Variants in ZNF385C observed in about 807,000 individuals in gnomAD.
ZNF385C encodes the protein CTD-2132N18.2.
Under a neutral mutation model 35.4 loss-of-function variants are expected in ZNF385C, and 28 were observed. The observed-to-expected ratio is 0.79, with a 90% CI of 0.59 to 1.08. The LOEUF is 1.08. Ranked by LOEUF, ZNF385C falls within the 50% of genes least tolerant of loss-of-function variation. ZNF385C has a pLI of 0.00. For missense variants in ZNF385C, 605 were observed against 595.6 expected (o/e 1.02, Z -0.16); for synonymous variants, 248 against 248.2 (o/e 1.00, Z 0.01).
intron 1 of ZNF385C, among the ~76,000 whole-genome samples, chr17:42,075,073 G>A (rs572447754): frequency 2.0e-5 from 3 of 152,128 alleles, no homozygotes; most frequent in South Asian, 2.1e-4. Context: ...CACAGAAAAC[G>A]TGCACTCCAC....
intron 1 of ZNF385C, among the ~76,000 whole-genome samples, chr17:42,068,125 C>G (rs1198038496): frequency 6.6e-6 from 1 of 152,120 alleles, no homozygotes; most frequent in Admixed American, 6.5e-5. Context: ...CCACACTGCC[C>G]CAGCTAAGCT....
chr17:42,046,953 C>T (rs1555656669), intron 2 of ZNF385C, among the ~76,000 whole-genome samples: 1 of 151,880 alleles, frequency 6.6e-6, no homozygotes, highest in African/African-American at 2.4e-5. Context: ...ATCTCCACCT[C>T]CCGGATTCAA....
At chr17:42,070,722 G>A (rs2053612307) in intron 1 of ZNF385C, among the ~76,000 whole-genome samples, 1 of 152,180 alleles carries the variant, frequency 6.6e-6, no homozygotes, top group Admixed American at 6.5e-5. Flanking sequence ...CATTCATGGG[G>A]TCACAGGCAG....
chr17:42,092,363 T>G (rs1159614710), intron 1 of ZNF385C, among the ~76,000 whole-genome samples: 1 of 151,714 alleles, frequency 6.6e-6, no homozygotes, highest in Admixed American at 6.6e-5. Context: ...ACTGCACCAC[T>G]GCACTCCAGC....
intron 4 of ZNF385C, 74 bp from the exon 5 acceptor site, chr17:42,031,858 C>T: frequency 2.0e-6 from 3 of 1,500,346 alleles, no homozygotes; most frequent in Middle Eastern, 2.2e-4. Flanking sequence ...TGGAGCCCAG[C>T]AGGGGGACAG....
chr17:42,068,777 C>T (rs1265523509), intron 1 of ZNF385C, among the ~76,000 whole-genome samples: 1 of 152,222 alleles, frequency 6.6e-6, no homozygotes, highest in African/African-American at 2.4e-5. Context: ...CTATGCTTGT[C>T]TGACTCAAAG....
At chr17:42,038,159 A>G in intron 2 of ZNF385C, 3 of 1,270,792 alleles carry the variant, frequency 2.4e-6, no homozygotes, top group Non-Finnish European at 3.2e-6. Context: ...ACTGAACCCC[A>G]GGGCAGCCCA....
intron 1 of ZNF385C, among the ~76,000 whole-genome samples, chr17:42,085,660 C>T (rs1207490799): frequency 6.1e-5 from 9 of 147,264 alleles, no homozygotes; most frequent in South Asian, 2.1e-4. Flanking sequence ...TGCAGTGGCG[C>T]GATCTCGGCT....
At chr17:42,086,969 C>T (rs2053816270) in intron 1 of ZNF385C, among the ~76,000 whole-genome samples, 1 of 151,582 alleles carries the variant, frequency 6.6e-6, no homozygotes, top group Non-Finnish European at 1.5e-5. Context: ...GCTGGGATTA[C>T]ACCACCACGC....
At position 42,068,355 on chromosome 17, in the gene ZNF385C, T is replaced by A. The variant is rs182305169; in HGVS notation, c.-2-5297A>T. ...TGAGTTCCAGAGCAGGGCAGTGGACTTGCTTCAAAGCAAATGGAAAGACGA... is the reference window on the plus strand; with the variant it reads ...TGAGTTCCAGAGCAGGGCAGTGGACATGCTTCAAAGCAAATGGAAAGACGA... On this transcript the variant is annotated intron_variant, in intron 1 of 8. Transcript: ENST00000692273. Among the ~76,000 whole-genome samples the A allele has an allele frequency of 1.1e-4, 17 of 152,296 alleles. No homozygotes were observed. The East Asian group carries it at 3.3e-3, about 29-fold the overall frequency.
chr17:42,028,123 C>A lies in ZNF385C; in HGVS notation c.1091G>T (p.Arg364Leu). Reference protein sequence around the residue: ...AKRVTGGRGGRQGPSPAFHCA... With the variant: ...AKRVTGGRGGLQGPSPAFHCA... ...GTGGAAGGCAGGGCTGGGCCCCTGC[C>A]GGCCGCCCCGGCCCCCTGTGACTCT... The change falls in exon 7 of 9, where the codon CGG (arginine) becomes CTG (leucine). Residue 364 changes from arginine (R) to leucine (L), a missense_variant. By Grantham distance (102) the Arg-to-Leu change is moderately radical. Transcript: ENST00000692273. 1 of 1,612,832 alleles carries A rather than the reference C, an allele frequency of 6.2e-7. No individual in the cohort carries two copies. Among genetic ancestry groups the A allele is most frequent in the East Asian group, 2.2e-5 (1 of 44,820 alleles).
Position 42,028,931 on chromosome 17 carries a change from A to G in ZNF385C, c.819T>C (p.Pro273=), listed in dbSNP as rs556197642. Residue 273 remains proline, a synonymous_variant, in exon 6 of 9, where the codon CCT becomes CCC. Transcript: ENST00000692273. ...GCTCAGGCCCCGGTGCCTCTCTCCC[A>G]GGCTCTGGGGAGCAAGGTGGGCAGG... ...SSSCPPCSPE[P]GREAPGPEPA... is the part of the protein sequence containing the mutation. 10 of 1,550,576 alleles carry G rather than the reference A, an allele frequency of 6.4e-6. No homozygotes were observed. In the East Asian group the frequency reaches 2.4e-4, roughly 38 times the overall value.
intron 2 of ZNF385C, chr17:42,039,939 G>A (rs2052969672): frequency 2.4e-6 from 3 of 1,231,204 alleles, no homozygotes; most frequent in Non-Finnish European, 3.0e-6. Flanking sequence ...CGGCTAGGGC[G>A]GCGAAGTCGG....
rs1273931380 is a variant in ZNF385C, at chr17:42,050,643, C to T, written c.250+12164G>A. On this transcript the variant is annotated intron_variant, in intron 2 of 8. Coordinates refer to ENST00000692273, the MANE Select transcript of ZNF385C (RefSeq NM_001392013.1). The surrounding 1 kb of genome is among the most constrained non-coding windows in gnomAD (Gnocchi z 5.6). ...ACGGAGCGACAGCAGCCACTAGCGG[C>T]AACGGGGGCGAAGAGGCGCCAGCAG... 2 of 151,938 alleles carry T rather than the reference C, an allele frequency of 1.3e-5. No individual in the cohort carries two copies. Among genetic ancestry groups the T allele is most frequent in the African/African-American group, 4.8e-5 (2 of 41,414 alleles). 9.4% of individuals were successfully genotyped at this position (151,938 alleles called of 1,614,324 possible).
At chr17:42,079,828 AAAAG>A (rs1555659599) in intron 1 of ZNF385C, among the ~76,000 whole-genome samples, 5 of 152,156 alleles carry the variant, frequency 3.3e-5, no homozygotes, top group Non-Finnish European at 7.3e-5. Flanking sequence ...GGAGCAAAAA[AAAAG>A]AAAGAAGACA....
chr17:42,071,157 C>T (rs868971860), intron 1 of ZNF385C, among the ~76,000 whole-genome samples: 1 of 151,624 alleles, frequency 6.6e-6, no homozygotes, highest in African/African-American at 2.4e-5. Context: ...ACAGCTGCTC[C>T]AGGTGCCAGG....
At chr17:42,084,492 C>T (rs542266148) in intron 1 of ZNF385C, among the ~76,000 whole-genome samples, 2 of 152,228 alleles carry the variant, frequency 1.3e-5, no homozygotes, top group African/African-American at 4.8e-5. Flanking sequence ...ATATAAAAGA[C>T]ATCGTCAAAT....
intron 2 of ZNF385C, among the ~76,000 whole-genome samples, chr17:42,048,376 CAAA>C (rs34771406): frequency 3.1e-4 from 39 of 124,764 alleles, no homozygotes; most frequent in Admixed American, 4.1e-4. Flanking sequence ...CTGTCTTTAC[CAAA>C]AAAAAAAAAA....
intron 1 of ZNF385C, among the ~76,000 whole-genome samples, chr17:42,092,337 G>A (rs1406225314): frequency 1.3e-5 from 2 of 151,988 alleles, no homozygotes; most frequent in Admixed American, 1.3e-4. Context: ...GGAGGGGGAG[G>A]TTGCAGTGAG....
Sources: allele counts gnomAD v4.1 joint callset (sites outside exome capture counted in the v4.1 genomes callset), GRCh38; gene constraint gnomAD v4.1.1; non-coding constraint Gnocchi (gnomAD v3.1); transcripts MANE v1.5; gene names NCBI Gene and HGNC (gene_info 2026-07-23, HGNC 2026-07-21).